The following FGF12 variants were observed in gnomAD, a reference collection of about 807,000 sequenced individuals.
FGF12 encodes the protein fibroblast growth factor 12.
Under a neutral mutation model 23.6 loss-of-function variants are expected in FGF12, and 14 were observed. The ratio of observed to expected loss-of-function variants is 0.59; its 90% CI spans 0.39 to 0.93. The LOEUF (loss-of-function observed/expected upper bound fraction) is 0.93. FGF12 is among the 40% of genes least tolerant of loss of function. The pLI is 0.00. For synonymous variants in FGF12, 62 were observed against 77.3 expected (o/e 0.80, Z 1.04); for missense variants, 175 against 217.8 (o/e 0.80, Z 1.24).
intron 4 of FGF12, among the ~76,000 whole-genome samples, chr3:192,183,418 G>A (rs532717950): frequency 1.3e-5 from 2 of 152,254 alleles, no homozygotes; most frequent in South Asian, 4.1e-4. Context: ...CTGAAAAGCC[G>A]GGGCTGTGTT....
At position 192,197,711 on chromosome 3, in the gene FGF12, G is replaced by A. The variant is rs555882808; in HGVS notation, c.229-27055C>T. Among the ~76,000 whole-genome samples, 7 of 152,220 alleles carry A rather than the reference G, an allele frequency of 4.6e-5. No individual in the cohort carries two copies. In the East Asian group the frequency reaches 1.2e-3, roughly 25 times the overall value. The stretch of plus-strand genomic sequence containing the variant: ...TATAATCCCAGCATTTTGGGAGGCC[G>A]AGGCGGGAAGATCACCTGAGGTCGG... On this transcript the variant is annotated intron_variant, in intron 4 of 5. Coordinates refer to ENST00000445105, the MANE Select transcript of FGF12 (RefSeq NM_004113.6).
rs1249839026 is a variant in FGF12 at position 192,709,367 on chromosome 3, C to T, written c.13+17814G>A. ...CTGTATCTGTATCCAAAGTACAGCT[C>T]CTTCATTTAAGTTACTGTTTTGAAA... On this transcript the variant is annotated intron_variant, in intron 2 of 5. Transcript: ENST00000445105. Among the ~76,000 whole-genome samples, 4 of 152,134 alleles carry T rather than the reference C, an allele frequency of 2.6e-5. No homozygotes were observed. In the East Asian group the frequency reaches 7.7e-4, roughly 29 times the overall value.
intron 4 of FGF12, among the ~76,000 whole-genome samples, chr3:192,235,348 G>A (rs116087558): frequency 0.014 from 2,158 of 152,062 alleles, 30 homozygotes; most frequent in Non-Finnish European, 0.023. Context: ...TCCCTGGGTC[G>A]CCAGGCTACA....
intron 2 of FGF12, among the ~76,000 whole-genome samples, chr3:192,683,620 A>C (rs1459888342): frequency 6.6e-6 from 1 of 152,202 alleles, no homozygotes; most frequent in East Asian, 1.9e-4. Flanking sequence ...CAGCTGTTAC[A>C]AAGTTTAAAA....
At chr3:192,543,882 C>G (rs1009045386) in intron 2 of FGF12, among the ~76,000 whole-genome samples, 4 of 152,152 alleles carry the variant, frequency 2.6e-5, no homozygotes, top group Non-Finnish European at 5.9e-5. Context: ...AACTGGTATC[C>G]AAGTGGCAAG....
rs73193532 is a variant in FGF12, at chr3:192,271,618, C to A, written c.228+63743G>T. Among the ~76,000 whole-genome samples, 477 of 152,318 alleles carry A rather than the reference C, an allele frequency of 3.1e-3. 2 individuals carry two copies. Among genetic ancestry groups the A allele is most frequent in the Non-Finnish European group, 5.3e-3 (361 of 68,032 alleles). ...TCTTTCTACTAATGGTATCTTCCAA[C>A]CTTTACTTAATTTACTCCTAATTTT... On this transcript the variant is annotated intron_variant, in intron 4 of 5. Coordinates refer to ENST00000445105, the MANE Select transcript of FGF12 (RefSeq NM_004113.6).
chr3:192,701,099 A>T (rs944641631), intron 2 of FGF12, among the ~76,000 whole-genome samples: 1 of 152,128 alleles, frequency 6.6e-6, no homozygotes, highest in Non-Finnish European at 1.5e-5. Context: ...TGGAGGTTTC[A>T]TTTGCATGAT....
chr3:192,459,883 G>C (rs1392595353), intron 2 of FGF12, among the ~76,000 whole-genome samples: 2 of 151,836 alleles, frequency 1.3e-5, no homozygotes, highest in Non-Finnish European at 2.9e-5. Context: ...GTGTGTGTGA[G>C]AGGGAGAGAA....
intron 2 of FGF12, among the ~76,000 whole-genome samples, chr3:192,671,800 C>CACAT (rs1303245818): frequency 1.3e-5 from 2 of 151,048 alleles, no homozygotes; most frequent in South Asian, 4.2e-4. Flanking sequence ...CACACACACA[C>CACAT]ACATACACAC....
intron 4 of FGF12, among the ~76,000 whole-genome samples, chr3:192,228,710 C>G (rs1718864161): frequency 6.6e-6 from 1 of 152,040 alleles, no homozygotes; most frequent in African/African-American, 2.4e-5. Flanking sequence ...GTCATATTCT[C>G]AAGGAATCCA....
intron 4 of FGF12, among the ~76,000 whole-genome samples, chr3:192,194,031 A>C (rs1363421469): frequency 6.6e-6 from 1 of 152,246 alleles, no homozygotes; most frequent in Admixed American, 6.5e-5. Flanking sequence ...TCTCCAACTC[A>C]TACAGCCCTG....
chr3:192,227,069 T>C (rs1718772203), intron 4 of FGF12, among the ~76,000 whole-genome samples: 1 of 152,120 alleles, frequency 6.6e-6, no homozygotes, highest in African/African-American at 2.4e-5. Flanking sequence ...CACCTTAATC[T>C]TGAGCTCCCA....
intron 2 of FGF12, among the ~76,000 whole-genome samples, chr3:192,714,740 G>C (rs1385240113): frequency 6.6e-6 from 1 of 151,900 alleles, no homozygotes; most frequent in Non-Finnish European, 1.5e-5. Context: ...GGATGGTCTC[G>C]ATCTCCTGAC....
chr3:192,397,035 A>C (rs1188468506), intron 2 of FGF12, among the ~76,000 whole-genome samples: 1 of 152,226 alleles, frequency 6.6e-6, no homozygotes. Context: ...TCATAAAGCC[A>C]TGTGGTAACC....
intron 2 of FGF12, among the ~76,000 whole-genome samples, chr3:192,372,330 A>G (rs1279082919): frequency 1.3e-5 from 2 of 151,944 alleles, no homozygotes; most frequent in East Asian, 3.9e-4. Flanking sequence ...AATGTAAATT[A>G]CCTTCAGGTA....
At chr3:192,296,062 C>CTTTTTTTTTTTTTTT (rs34021285) in intron 4 of FGF12, among the ~76,000 whole-genome samples, 25 of 78,086 alleles carry the variant, frequency 3.2e-4, no homozygotes, top group Non-Finnish European at 4.7e-4. Flanking sequence ...GTTTTTCTTT[C>CTTTTTTTTTTTTTTT]TTTTTTTTTT....
intron 2 of FGF12, among the ~76,000 whole-genome samples, chr3:192,368,224 A>T (rs1719072751): frequency 1.3e-5 from 2 of 152,218 alleles, no homozygotes; most frequent in African/African-American, 4.8e-5. Context: ...ATCACTGAAC[A>T]TAGATGTGAA....
chr3:192,216,731 A>C (rs981712009), intron 4 of FGF12, among the ~76,000 whole-genome samples: 5 of 152,176 alleles, frequency 3.3e-5, no homozygotes, highest in African/African-American at 1.2e-4. Flanking sequence ...AAAATTGTGG[A>C]GCTGAAAATA....
intron 2 of FGF12, among the ~76,000 whole-genome samples, chr3:192,658,091 C>G (rs906838901): frequency 5.3e-5 from 8 of 151,838 alleles, no homozygotes; most frequent in African/African-American, 1.9e-4. Context: ...TGAAGTTTAA[C>G]TAGGACAAAA....
Sources: allele counts gnomAD v4.1 joint callset (sites outside exome capture counted in the v4.1 genomes callset), GRCh38; gene constraint gnomAD v4.1.1; transcripts MANE v1.5; gene names NCBI Gene and HGNC (gene_info 2026-07-23, HGNC 2026-07-21).